MYO1E: variants seen among roughly 807,000 people sequenced by gnomAD.
MYO1E encodes unconventional myosin-Ie.
In MYO1E, 68 loss-of-function variants were observed where a neutral mutation model predicts 151.1. That is an observed-to-expected ratio of 0.45 (90% CI 0.37 to 0.55). The LOEUF (loss-of-function observed/expected upper bound fraction) is 0.55. MYO1E is among the 20% of genes least tolerant of loss of function. The probability of loss-of-function intolerance (pLI) is 0.00; values close to 1 mark genes in which losing one functional copy is unlikely to be tolerated. For missense variants in MYO1E, 1,363 were observed against 1,389.3 expected (o/e 0.98, Z 0.30); for synonymous variants, 601 against 501.7 (o/e 1.20, Z -2.64).
intron 17 of MYO1E, among the ~76,000 whole-genome samples, chr15:59,191,376 T>A (rs559305379): frequency 8.4e-6 from 1 of 118,848 alleles, no homozygotes; most frequent in Admixed American, 7.8e-5. Flanking sequence ...GAGAAAGAAA[T>A]GTCATGTCAA....
intron 1 of MYO1E, among the ~76,000 whole-genome samples, chr15:59,351,935 T>G (rs1388188247): frequency 5.3e-5 from 8 of 152,212 alleles, no homozygotes; most frequent in African/African-American, 1.9e-4. Context: ...TTCATGCTAT[T>G]GATCGTCCCC....
chr15:59,142,805 T>C (rs1404867478), intron 26 of MYO1E, among the ~76,000 whole-genome samples: 2 of 151,750 alleles, frequency 1.3e-5, no homozygotes, highest in African/African-American at 4.8e-5. Context: ...TACATCATAT[T>C]TACTGGTGAA....
At chr15:59,157,488 G>A (rs60305103) in intron 25 of MYO1E, among the ~76,000 whole-genome samples, 10,510 of 152,136 alleles carry the variant, frequency 0.069, 526 homozygotes, top group African/African-American at 0.13. Context: ...AAAGTTCCAG[G>A]AATGAACAAT....
At chr15:59,371,692 C>G (rs1415762562) in intron 1 of MYO1E, among the ~76,000 whole-genome samples, 1 of 152,148 alleles carries the variant, frequency 6.6e-6, no homozygotes, top group South Asian at 2.1e-4. Context: ...TCTTCCCGTG[C>G]GAAGCGTCCC....
At chr15:59,248,212 G>A (rs1032005633) in intron 4 of MYO1E, among the ~76,000 whole-genome samples, 13 of 150,984 alleles carry the variant, frequency 8.6e-5, no homozygotes, top group East Asian at 1.9e-4. Context: ...GGCCGGGTGC[G>A]GTGGCTCATA....
At chr15:59,297,034 TG>T (rs2080453927) in intron 1 of MYO1E, among the ~76,000 whole-genome samples, 1 of 51,916 alleles carries the variant, frequency 1.9e-5, no homozygotes, top group Admixed American at 2.7e-4. Context: ...TGTGTTTTTT[TG>T]TAGAGACAGA....
At chr15:59,345,170 C>G (rs1196785612) in intron 1 of MYO1E, among the ~76,000 whole-genome samples, 1 of 151,998 alleles carries the variant, frequency 6.6e-6, no homozygotes, top group Non-Finnish European at 1.5e-5. Context: ...ACTGGAAGCT[C>G]TTTTCTAAAA....
intron 1 of MYO1E, among the ~76,000 whole-genome samples, chr15:59,281,227 T>C (rs1194465862): frequency 1.3e-5 from 2 of 152,140 alleles, no homozygotes; most frequent in African/African-American, 4.8e-5. Context: ...GGGATTACTA[T>C]GATGTCTGAC....
intron 25 of MYO1E, among the ~76,000 whole-genome samples, chr15:59,154,009 C>A (rs113685096): frequency 1.3e-5 from 2 of 152,184 alleles, no homozygotes; most frequent in African/African-American, 4.8e-5. Flanking sequence ...TGAGGTATAA[C>A]TGACAAATAA....
chr15:59,324,877 T>G (rs1035541250), intron 1 of MYO1E, among the ~76,000 whole-genome samples: 18 of 150,752 alleles, frequency 1.2e-4, no homozygotes, highest in African/African-American at 4.4e-4. Flanking sequence ...CAACTACAAG[T>G]ACATTTCCCA....
chr15:59,322,964 A>G (rs1332892359), intron 1 of MYO1E, among the ~76,000 whole-genome samples: 4 of 151,268 alleles, frequency 2.6e-5, no homozygotes, highest in African/African-American at 9.7e-5. Context: ...GATCAAGACC[A>G]TCCTGGCTAA....
intron 1 of MYO1E, among the ~76,000 whole-genome samples, chr15:59,298,538 T>C (rs1357933900): frequency 3.3e-5 from 5 of 152,218 alleles, no homozygotes; most frequent in Admixed American, 2.0e-4. Context: ...TCTGTCCATA[T>C]GCAAAGCTGC....
At chr15:59,267,948 G>A (rs2080266331) in intron 2 of MYO1E, among the ~76,000 whole-genome samples, 1 of 152,100 alleles carries the variant, frequency 6.6e-6, no homozygotes, top group Non-Finnish European at 1.5e-5. Context: ...TAATGTAGAA[G>A]AAATGTGCAT....
chr15:59,331,738 AAAT>A (rs1352627305), intron 1 of MYO1E, among the ~76,000 whole-genome samples: 1 of 152,238 alleles, frequency 6.6e-6, no homozygotes, highest in African/African-American at 2.4e-5. Context: ...TAAAAAGTAT[AAAT>A]AACTCTGTTA....
intron 18 of MYO1E, among the ~76,000 whole-genome samples, chr15:59,184,667 A>G (rs975672105): frequency 6.6e-6 from 1 of 152,176 alleles, no homozygotes; most frequent in Non-Finnish European, 1.5e-5. Context: ...AGCCTGTATC[A>G]CATTTTCTTT....
chr15:59,279,704 A>T (rs893918745), intron 1 of MYO1E, among the ~76,000 whole-genome samples: 1 of 152,344 alleles, frequency 6.6e-6, no homozygotes, highest in South Asian at 2.1e-4. Context: ...GACATGATCC[A>T]GTGCATGGAA....
At chr15:59,237,631 C>T (rs1253676973) in intron 4 of MYO1E, among the ~76,000 whole-genome samples, 1 of 144,714 alleles carries the variant, frequency 6.9e-6, no homozygotes, top group Non-Finnish European at 1.5e-5. Context: ...GTTCATAGGA[C>T]AATATTTTTG....
chr15:59,200,232 C>A (rs1362534312), intron 16 of MYO1E, among the ~76,000 whole-genome samples: 1 of 152,194 alleles, frequency 6.6e-6, no homozygotes, highest in African/African-American at 2.4e-5. Flanking sequence ...CCTGGATGAT[C>A]TGGGCCCCTT....
chr15:59,248,628 T>C (rs1056072629), intron 4 of MYO1E, among the ~76,000 whole-genome samples: 1 of 151,878 alleles, frequency 6.6e-6, no homozygotes, highest in Non-Finnish European at 1.5e-5. Flanking sequence ...GTTGGCCTAA[T>C]AGACATCAGG....
Sources: allele counts gnomAD v4.1 joint callset (sites outside exome capture counted in the v4.1 genomes callset), GRCh38; gene constraint gnomAD v4.1.1; transcripts MANE v1.5; gene names NCBI Gene and HGNC (gene_info 2026-07-23, HGNC 2026-07-21).